LARS2: variants seen among roughly 807,000 people sequenced by gnomAD.
The protein encoded by LARS2 is leucine--tRNA ligase, mitochondrial.
A neutral mutation model predicts 116.6 loss-of-function variants in LARS2; 81 were observed. That is an observed-to-expected ratio of 0.69 (90% CI 0.58 to 0.84). The LOEUF (loss-of-function observed/expected upper bound fraction) is 0.84. LARS2 is among the 40% of genes least tolerant of loss of function. LARS2 has a pLI of 0.00. For synonymous variants in LARS2, 396 were observed against 407.2 expected (o/e 0.97, Z 0.33); for missense variants, 968 against 1,114.5 (o/e 0.87, Z 1.87).
At chr3:45,495,263 G>A (rs1386640478) in intron 13 of LARS2, 4 of 152,214 alleles carry the variant, frequency 2.6e-5, no homozygotes, top group Admixed American at 1.3e-4. Flanking sequence ...GTGGTCTCAT[G>A]GTAGATATGT....
Position 45,394,655 on chromosome 3 carries a change from A to G in LARS2, c.202A>G (p.Lys68Glu), listed in dbSNP as rs553596357. 1 of 1,614,086 alleles carries G rather than the reference A, an allele frequency of 6.2e-7. No individual in the cohort carries two copies. The highest frequency in any genetic ancestry group is 8.5e-7 in the Non-Finnish European group (1 of 1,179,904). Residue 68 changes from lysine (K) to glutamate (E), a missense_variant, in exon 3 of 22, where the codon AAA becomes GAA. Transcript: ENST00000645846. Reference protein sequence around the residue: ...DVEKWWHQRIKEQASKISEAD... With the variant: ...DVEKWWHQRIEEQASKISEAD... ...TGAGAAATGGTGGCATCAACGAATA[A>G]AAGAACAGGCCTCCAAAATTTCAGA...
intron 20 of LARS2, among the ~76,000 whole-genome samples, chr3:45,534,109 A>G (rs1700663957): frequency 6.6e-6 from 1 of 152,180 alleles, no homozygotes; most frequent in Non-Finnish European, 1.5e-5. Flanking sequence ...ACAGATCTAT[A>G]GCAACTCATT....
Position 45,418,235 on chromosome 3 carries a change from C to T in LARS2, c.455+662C>T, listed in dbSNP as rs187544175. Among the ~76,000 whole-genome samples the T allele has an allele frequency of 3.3e-5, 5 of 152,342 alleles. No individual in the cohort carries two copies. The South Asian group carries it at 6.2e-4, about 19-fold the overall frequency. ...TTTCACAAAGGCCTGGGACGCTTCC[C>T]CATGCCACCCCTTAGAGAGACAGAA... On this transcript the variant is annotated intron_variant, in intron 5 of 21. Coordinates refer to ENST00000645846, the MANE Select transcript of LARS2 (RefSeq NM_015340.4).
chr3:45,511,771 ATTTTTTT>A (rs67171643), intron 15 of LARS2, among the ~76,000 whole-genome samples: 2 of 86,622 alleles, frequency 2.3e-5, no homozygotes, highest in African/African-American at 8.8e-5. Context: ...AATGCTGCTG[ATTTTTTT>A]TTTTTTTTTT....
At chr3:45,403,660 G>A (rs1288136319) in intron 4 of LARS2, among the ~76,000 whole-genome samples, 1 of 152,262 alleles carries the variant, frequency 6.6e-6, no homozygotes, top group Middle Eastern at 3.4e-3. Context: ...TTGTAGGTGG[G>A]ATTCTAATTT....
Position 45,458,855 on chromosome 3 carries a change from A to G in LARS2, c.719A>G (p.Gln240Arg). ...AAGGTGGAACAGAAGTACCTCAGAC[A>G]ATGGTTTATTAAGACAACCGCTTAT... ...GAKVEQKYLR[Q>R]WFIKTTAYAK... Residue 240 changes from glutamine (Q) to arginine (R), a missense_variant, in exon 8 of 22, where the codon CAA becomes CGA. Transcript: ENST00000645846. 6.2e-7 allele frequency: 1 copy of G among 1,614,032 alleles called. No individual in the cohort carries two copies. The highest frequency in any genetic ancestry group is 2.2e-5 in the East Asian group (1 of 44,884).
intron 15 of LARS2, among the ~76,000 whole-genome samples, chr3:45,505,911 A>G (rs1700194786): frequency 6.6e-6 from 1 of 152,084 alleles, no homozygotes; most frequent in Admixed American, 6.6e-5. Flanking sequence ...TTAAGACTAT[A>G]TTCAAGCAGG....
At chr3:45,486,582 A>T (rs367632703) in intron 11 of LARS2, among the ~76,000 whole-genome samples, 18 of 152,340 alleles carry the variant, frequency 1.2e-4, no homozygotes, top group East Asian at 1.2e-3. Context: ...TAGCACACAG[A>T]AATAGCATTT....
chr3:45,520,429 A>C (rs1700435004), intron 19 of LARS2, 133 bp downstream of exon 19: 1 of 630,036 alleles, frequency 1.6e-6, no homozygotes, highest in Admixed American at 3.0e-5. Flanking sequence ...GATTATCTTA[A>C]GGAAACATTT....
intron 11 of LARS2, 114 bp from the exon 12 acceptor site, chr3:45,488,583 A>G: frequency 1.5e-6 from 1 of 677,646 alleles, no homozygotes; most frequent in Non-Finnish European, 2.7e-6. Flanking sequence ...AAACTTCTAT[A>G]ACTAAAAGAG....
rs1170945041 is a variant in LARS2, at chr3:45,526,586, G to A, written c.2404+2478G>A. ...GGTAGACAAAACTAACATAAAAGCA[G>A]TTCTCAGGAACACAAGAACAAGACT... On this transcript the variant is annotated intron_variant, in intron 20 of 21. Transcript: ENST00000645846. 2.0e-5 allele frequency among the ~76,000 whole-genome samples: 3 copies of A among 152,080 alleles called. No homozygotes were observed. In the East Asian group the frequency reaches 5.8e-4, roughly 29 times the overall value.
At chr3:45,457,757 C>T (rs963715316) in intron 7 of LARS2, among the ~76,000 whole-genome samples, 4 of 152,160 alleles carry the variant, frequency 2.6e-5, no homozygotes, top group African/African-American at 9.7e-5. Flanking sequence ...TGTACTCATT[C>T]CCTTCTTTGT....
chr3:45,459,461 A>C (rs528106986), intron 8 of LARS2, among the ~76,000 whole-genome samples: 1 of 152,350 alleles, frequency 6.6e-6, no homozygotes, highest in East Asian at 1.9e-4. Flanking sequence ...GCCAGGCGCT[A>C]AAGCTTGATA....
intron 4 of LARS2, 74 bp from the exon 5 acceptor site, chr3:45,417,408 G>A (rs978574654): frequency 8.8e-7 from 1 of 1,140,194 alleles, no homozygotes; most frequent in Non-Finnish European, 1.3e-6. Context: ...AGAGTGCTGA[G>A]TTTGCCCCAG....
At position 45,476,471 on chromosome 3, in the gene LARS2, C is replaced by G. The variant is rs780209500; in HGVS notation, c.862C>G (p.His288Asp). Residue 288 changes from histidine to aspartate, a missense_variant, in exon 10 of 22, where the codon CAT becomes GAT. Physicochemically the swap from His to Asp is moderately conservative, Grantham distance 81. Coordinates refer to ENST00000645846, the MANE Select transcript of LARS2 (RefSeq NM_015340.4). ...CACTCTTCTTTCCTATCACCAGGTT[C>G]ATGGGCAAGCCACGGGCGAAAAGCT... ...GCHLDFTLKV[H>D]GQATGEKLTA... 6.2e-7 allele frequency: 1 copy of G among 1,614,150 alleles called. No homozygotes were observed. Among genetic ancestry groups the G allele is most frequent in the Admixed American group, 1.7e-5 (1 of 60,026 alleles).
intron 12 of LARS2, 99 bp downstream of exon 12, chr3:45,488,911 C>A (rs1699864820): frequency 2.5e-6 from 2 of 785,542 alleles, no homozygotes; most frequent in African/African-American, 1.7e-5. Context: ...CTTCACTCGT[C>A]CCCATACCTA....
At chr3:45,434,369 G>C (rs75878570) in intron 6 of LARS2, among the ~76,000 whole-genome samples, 5,943 of 152,184 alleles carry the variant, frequency 0.039, 140 homozygotes, top group Middle Eastern at 0.095. Flanking sequence ...CATTCTGCTG[G>C]TGAGCCCATC....
chr3:45,523,946 C>T (rs748455782), intron 19 of LARS2, 51 bp from the exon 20 acceptor site: 9 of 1,317,254 alleles, frequency 6.8e-6, no homozygotes, highest in East Asian at 4.6e-5. Flanking sequence ...CTTTCTTACC[C>T]GTGCTTATTT....
intron 4 of LARS2, among the ~76,000 whole-genome samples, chr3:45,401,651 A>G (rs1361483544): frequency 6.6e-6 from 1 of 152,006 alleles, no homozygotes; most frequent in Non-Finnish European, 1.5e-5. Flanking sequence ...ACAGGGTCTC[A>G]TTTTGTCACC....
Sources: gnomAD v4.1 joint callset for allele counts (sites outside exome capture counted in the v4.1 genomes callset) on GRCh38, gnomAD v4.1.1 for gene constraint, MANE v1.5 for transcripts, NCBI Gene and HGNC (gene_info 2026-07-23, HGNC 2026-07-21) for gene names.